Variants in ANO4 observed in about 807,000 individuals in gnomAD.
ANO4 encodes anoctamin-4.
A neutral mutation model predicts 141.9 loss-of-function variants in ANO4; 69 were observed. The ratio of observed to expected loss-of-function variants is 0.49; its 90% CI spans 0.40 to 0.59. ANO4 has a LOEUF of 0.59. Among genes scored for constraint, ANO4 ranks in the 20% least tolerant of loss-of-function variants. The pLI, the probability that ANO4 is intolerant of heterozygous loss-of-function variation, is 0.00. For synonymous variants in ANO4, 350 were observed against 394.3 expected (o/e 0.89, Z 1.33); for missense variants, 894 against 1,162.2 (o/e 0.77, Z 3.36).
intron 10 of ANO4, 89 bp from the exon 11 acceptor site, chr12:101,039,866 C>CA: frequency 2.1e-6 from 3 of 1,426,804 alleles, no homozygotes; most frequent in Non-Finnish European, 2.9e-6. Flanking sequence ...CCTATCACAA[C>CA]ACCTGCTGTA....
Position 100,921,282 on chromosome 12 carries a change from AGCGTTCCTGTGAG to A in ANO4, c.56-941_56-929del, listed in dbSNP as rs200579055. Among the ~76,000 whole-genome samples the A allele has an allele frequency of 7.6e-3, 1,159 of 152,238 alleles. 15 individuals are homozygous for A. Among genetic ancestry groups the A allele is most frequent in the African/African-American group, 0.026 (1,094 of 41,546 alleles). On this transcript the variant is annotated intron_variant, in intron 2 of 27. Transcript: ENST00000392977. ...CTTCAGGTGTTTTACTCCTAGAATA[AGCGTTCCTGTGAG>A]GCTATGAGTTATCTTATTCTTGAGC...
chr12:100,891,889 C>T (rs576690795), intron 1 of ANO4, among the ~76,000 whole-genome samples: 1 of 152,130 alleles, frequency 6.6e-6, no homozygotes, highest in South Asian at 2.1e-4. Context: ...ATTTTGTATC[C>T]TTTGACCAAC....
intron 8 of ANO4, among the ~76,000 whole-genome samples, chr12:100,993,351 T>C (rs886237233): frequency 1.3e-5 from 2 of 152,168 alleles, no homozygotes; most frequent in African/African-American, 4.8e-5. Flanking sequence ...GGTAGAAAAA[T>C]TCTTATTGTA....
chr12:100,934,590 A>C (rs1406871897), intron 3 of ANO4, among the ~76,000 whole-genome samples: 1 of 151,638 alleles, frequency 6.6e-6, no homozygotes, highest in Non-Finnish European at 1.5e-5. Flanking sequence ...TTTTGGTTCC[A>C]TATGAACTTT....
At chr12:100,928,334 C>G (rs1469041746) in intron 3 of ANO4, among the ~76,000 whole-genome samples, 1 of 152,122 alleles carries the variant, frequency 6.6e-6, no homozygotes, top group East Asian at 1.9e-4. Flanking sequence ...CTATGTAAAG[C>G]CTTTAACATA....
chr12:100,796,786 T>C (rs2034353936), intron 1 of ANO4, among the ~76,000 whole-genome samples: 1 of 152,002 alleles, frequency 6.6e-6, no homozygotes, highest in East Asian at 1.9e-4. Flanking sequence ...AATTCTTTAA[T>C]GTTTAGCTGT....
chr12:100,784,208 T>TGTAGTTAGTAGG (rs2033794228), intron 3 of ANO4, among the ~76,000 whole-genome samples: 2 of 152,148 alleles, frequency 1.3e-5, no homozygotes, highest in African/African-American at 4.8e-5. Flanking sequence ...CTTCTGGCCA[T>TGTAGTTAGTAGG]AATGTTAGTA....
At chr12:100,912,072 T>C (rs534004919) in intron 2 of ANO4, among the ~76,000 whole-genome samples, 14 of 152,146 alleles carry the variant, frequency 9.2e-5, no homozygotes, top group South Asian at 6.2e-4. Context: ...AATTAGCAAT[T>C]GACAGACCCC....
At chr12:100,822,980 G>C (rs1593431277) in intron 1 of ANO4, among the ~76,000 whole-genome samples, 1 of 151,466 alleles carries the variant, frequency 6.6e-6, no homozygotes, top group Non-Finnish European at 1.5e-5. Flanking sequence ...TGCATTATTT[G>C]CTTTAAAACA....
At chr12:101,104,627 GTATATATATATATATA>G (rs1167784816) in intron 22 of ANO4, among the ~76,000 whole-genome samples, 29 of 62,056 alleles carry the variant, frequency 4.7e-4, no homozygotes, top group East Asian at 1.4e-3. Context: ...ATGTATGTGT[GTATATATATATATATA>G]TATATATATA....
chr12:100,778,006 G>A (rs903950699), intron 3 of ANO4, among the ~76,000 whole-genome samples: 6 of 148,762 alleles, frequency 4.0e-5, no homozygotes, highest in South Asian at 4.3e-4. Flanking sequence ...TGCAAGCTCC[G>A]CCTCCCGGGT....
chr12:101,090,865 A>G (rs2049741724), intron 17 of ANO4, among the ~76,000 whole-genome samples: 2 of 152,178 alleles, frequency 1.3e-5, no homozygotes, highest in Non-Finnish European at 2.9e-5. Context: ...ACTGGAAATC[A>G]TTGATCCAGC....
At chr12:100,792,844 A>G (rs1382816443), upstream of ANO4, among the ~76,000 whole-genome samples, 1 of 152,250 alleles carries the variant, frequency 6.6e-6, no homozygotes, top group African/African-American at 2.4e-5. Flanking sequence ...TATGCTGCCC[A>G]TGCTTTTACA....
chr12:101,083,863 T>C, intron 16 of ANO4, 45 bp downstream of exon 16: 1 of 1,467,260 alleles, frequency 6.8e-7, no homozygotes, highest in Non-Finnish European at 9.1e-7. Context: ...AATACAAACC[T>C]ATAGCATAAT....
chr12:100,822,199 C>A (rs2036091976), intron 1 of ANO4, among the ~76,000 whole-genome samples: 1 of 151,834 alleles, frequency 6.6e-6, no homozygotes, highest in Non-Finnish European at 1.5e-5. Context: ...ATAAAGTGAC[C>A]CTTTGTTATC....
chr12:100,736,893 C>G (rs1244420683), intron 2 of ANO4, among the ~76,000 whole-genome samples: 2 of 152,166 alleles, frequency 1.3e-5, no homozygotes, highest in African/African-American at 4.8e-5. Flanking sequence ...TCCTCTAGAG[C>G]CTTCAGAGAT....
At position 101,040,034 on chromosome 12, in the gene ANO4, C is replaced by G. The variant is rs780211110; in HGVS notation, c.977C>G (p.Ser326Cys). ...CATCTACTCTATGAGTGCTGGGCCT[C>G]CTGGGGCGTGTGGTATAAATACCAA... ...HRHLLYECWA[S>C]WGVWYKYQPL... The change falls in exon 11 of 28, where the codon TCC becomes TGC. Residue 326 changes from serine to cysteine, a missense_variant. By Grantham distance (112) the Ser-to-Cys change is moderately radical. Around this residue, in one of 2 missense-constraint regions of ANO4, gnomAD observed 637 missense variants for 909.2 expected, o/e 0.70. Transcript: ENST00000392977. 2.5e-6 allele frequency: 4 copies of G among 1,612,680 alleles called. No homozygotes were observed. Among genetic ancestry groups the G allele is most frequent in the African/African-American group, 1.3e-5 (1 of 74,898 alleles).
At chr12:100,939,809 A>G (rs559875329) in intron 4 of ANO4, among the ~76,000 whole-genome samples, 10 of 152,300 alleles carry the variant, frequency 6.6e-5, no homozygotes, top group African/African-American at 2.4e-4. Context: ...CCTAAAATGC[A>G]CCAGCCTTCA....
intron 9 of ANO4, among the ~76,000 whole-genome samples, chr12:101,032,795 A>G (rs1312188782): frequency 2.8e-4 from 43 of 151,492 alleles, no homozygotes; most frequent in Non-Finnish European, 5.9e-4. Flanking sequence ...TTAGAATGGC[A>G]ATCATTAAAA....
Sources: gnomAD v4.1 joint callset for allele counts (sites outside exome capture counted in the v4.1 genomes callset) on GRCh38, gnomAD v4.1.1 for gene constraint, gnomAD v4.1.1 regional missense constraint, MANE v1.5 for transcripts, NCBI Gene and HGNC (gene_info 2026-07-23, HGNC 2026-07-21) for gene names.